LRRC28: variants seen among roughly 807,000 people sequenced by gnomAD.
The protein encoded by LRRC28 is leucine rich repeat containing 28.
A neutral mutation model predicts 45.7 loss-of-function variants in LRRC28; 39 were observed. The ratio of observed to expected loss-of-function variants is 0.85; its 90% CI spans 0.66 to 1.12. The LOEUF (loss-of-function observed/expected upper bound fraction) is 1.12. Among genes scored for constraint, LRRC28 ranks in the 50% most tolerant of loss-of-function variants. The pLI is 0.00. For missense variants in LRRC28, 435 were observed against 438.5 expected (o/e 0.99, Z 0.07); for synonymous variants, 206 against 178.8 (o/e 1.15, Z -1.22).
At chr15:99,337,231 T>A (rs565935685) in intron 6 of LRRC28, among the ~76,000 whole-genome samples, 2 of 152,218 alleles carry the variant, frequency 1.3e-5, no homozygotes, top group South Asian at 4.1e-4. Context: ...AAGGTGGCAG[T>A]GTTGTTGGGA....
chr15:99,296,199 G>A (rs2082257580), intron 5 of LRRC28, among the ~76,000 whole-genome samples: 1 of 152,220 alleles, frequency 6.6e-6, no homozygotes, highest in Non-Finnish European at 1.5e-5. Context: ...TTACAAGCCT[G>A]GGCACAGATG....
intron 2 of LRRC28, among the ~76,000 whole-genome samples, chr15:99,266,742 G>A (rs2081342799): frequency 6.6e-6 from 1 of 152,132 alleles, no homozygotes; most frequent in African/African-American, 2.4e-5. Context: ...CATCAATAAT[G>A]GATTTGTTAA....
At chr15:99,305,367 C>T (rs1336618667) in intron 5 of LRRC28, among the ~76,000 whole-genome samples, 2 of 152,098 alleles carry the variant, frequency 1.3e-5, no homozygotes, top group Admixed American at 6.5e-5. Context: ...AATTTCTAAA[C>T]TCTGATATTT....
chr15:99,288,062 C>A, intron 5 of LRRC28, 111 bp downstream of exon 5: 2 of 1,116,182 alleles, frequency 1.8e-6, no homozygotes, highest in South Asian at 3.1e-5. Flanking sequence ...AAGTATTTGT[C>A]CATTTGTTTG....
chr15:99,347,621 A>G (rs1956736674), intron 6 of LRRC28, among the ~76,000 whole-genome samples: 2 of 152,210 alleles, frequency 1.3e-5, no homozygotes, highest in African/African-American at 4.8e-5. Flanking sequence ...TTCTTTTTTA[A>G]GGCTGAAAAA....
Position 99,361,663 on chromosome 15 carries a change from A to G in LRRC28, c.871+152A>G, listed in dbSNP as rs182756872. On this transcript the variant is annotated intron_variant, in intron 8 of 9. Transcript: ENST00000301981. The stretch of plus-strand genomic sequence containing the variant: ...AACCATTTTATCCATCTTTAAGTAT[A>G]CAGTTCAGTGGCATTAAGTCCATTC... 3.7e-3 allele frequency: 2,633 copies of G among 707,880 alleles called. 11 individuals are homozygous for G. Among genetic ancestry groups the G allele is most frequent in the Middle Eastern group, 8.2e-3 (20 of 2,438 alleles). 43.8% of individuals were successfully genotyped at this position (707,880 alleles called of 1,614,324 possible).
intron 5 of LRRC28, among the ~76,000 whole-genome samples, chr15:99,328,564 T>C (rs1956058669): frequency 6.6e-6 from 1 of 151,728 alleles, no homozygotes; most frequent in Non-Finnish European, 1.5e-5. Flanking sequence ...TTGACTGAAT[T>C]AAGAAATACC....
At chr15:99,276,341 G>A (rs571066922) in intron 2 of LRRC28, among the ~76,000 whole-genome samples, 1 of 152,176 alleles carries the variant, frequency 6.6e-6, no homozygotes, top group South Asian at 2.1e-4. Flanking sequence ...GTCCCTGGAG[G>A]CAAAAATGTT....
intron 5 of LRRC28, among the ~76,000 whole-genome samples, chr15:99,290,268 AG>A (rs141016813): frequency 0.077 from 11,350 of 148,052 alleles, 615 homozygotes; most frequent in East Asian, 0.28. Context: ...CAAAAAAAAA[AG>A]AAAAAAAGAA....
chr15:99,385,500 T>C (rs1159388472), intron 9 of LRRC28, among the ~76,000 whole-genome samples: 1 of 152,244 alleles, frequency 6.6e-6, no homozygotes, highest in Non-Finnish European at 1.5e-5. Flanking sequence ...ACCTCTGATA[T>C]GTGGGAAGAC....
intron 6 of LRRC28, among the ~76,000 whole-genome samples, chr15:99,334,723 A>C (rs899793916): frequency 6.6e-6 from 1 of 152,168 alleles, no homozygotes; most frequent in East Asian, 1.9e-4. Flanking sequence ...AAAACAGTAC[A>C]TTTATTTTAT....
intron 9 of LRRC28, among the ~76,000 whole-genome samples, chr15:99,383,773 T>C (rs116330967): frequency 0.018 from 2,785 of 151,918 alleles, 93 homozygotes; most frequent in African/African-American, 0.063. Flanking sequence ...TTTCAGGAGG[T>C]GGCTGAGCAG....
chr15:99,317,086 T>G (rs1300007439), intron 5 of LRRC28, among the ~76,000 whole-genome samples: 1 of 151,878 alleles, frequency 6.6e-6, no homozygotes, highest in South Asian at 2.1e-4. Flanking sequence ...AAATGTTGCG[T>G]GTACGCAAGT....
At chr15:99,259,249 C>A in intron 2 of LRRC28, 1 of 1,049,818 alleles carries the variant, frequency 9.5e-7, no homozygotes. Flanking sequence ...CTGGGTCCAG[C>A]AGAAAAGAGG....
intron 2 of LRRC28, among the ~76,000 whole-genome samples, chr15:99,268,003 T>G (rs2081376271): frequency 6.6e-6 from 1 of 152,204 alleles, no homozygotes; most frequent in African/African-American, 2.4e-5. Context: ...TTGAGGAAAC[T>G]AAGAAGAGGA....
chr15:99,354,060 T>C (rs1035450848), intron 7 of LRRC28: 2 of 152,196 alleles, frequency 1.3e-5, no homozygotes, highest in Admixed American at 6.5e-5. Flanking sequence ...ATAAAATTAT[T>C]AACAGGATAG....
chr15:99,287,708 A>T, intron 4 of LRRC28, 106 bp from the exon 5 acceptor site: 1 of 1,254,220 alleles, frequency 8.0e-7, no homozygotes, highest in Non-Finnish European at 1.1e-6. Flanking sequence ...AGCAACTGAG[A>T]CAAGGAAATT....
At chr15:99,323,208 C>G (rs1449213548) in intron 5 of LRRC28, among the ~76,000 whole-genome samples, 1 of 152,180 alleles carries the variant, frequency 6.6e-6, no homozygotes, top group Non-Finnish European at 1.5e-5. Context: ...GAGCATGATT[C>G]ACCCCACGTG....
chr15:99,321,811 A>T (rs1339560164), intron 5 of LRRC28, among the ~76,000 whole-genome samples: 1 of 152,224 alleles, frequency 6.6e-6, no homozygotes, highest in African/African-American at 2.4e-5. Flanking sequence ...ATAGCAGCAA[A>T]TAAAATCAAA....
Sources: allele counts gnomAD v4.1 joint callset (sites outside exome capture counted in the v4.1 genomes callset), GRCh38; gene constraint gnomAD v4.1.1; transcripts MANE v1.5; gene names NCBI Gene and HGNC (gene_info 2026-07-23, HGNC 2026-07-21).